TTLL6: variants seen among roughly 807,000 people sequenced by gnomAD.
The protein encoded by TTLL6 is tubulin tyrosine ligase like 6, also known as tubulin polyglutamylase TTLL6.
A neutral mutation model predicts 96.4 loss-of-function variants in TTLL6; 75 were observed. The ratio of observed to expected loss-of-function variants is 0.78; its 90% CI spans 0.65 to 0.94. The LOEUF is 0.94. TTLL6 is among the 40% of genes least tolerant of loss of function. TTLL6 has a pLI of 0.00. For synonymous variants in TTLL6, 411 were observed against 419.4 expected, an observed-to-expected ratio of 0.98 and a Z score of 0.24; for missense variants, 1,030 against 1,093.0, an observed-to-expected ratio of 0.94 and a Z score of 0.81.
chr17:48,767,512 A>G (rs889089051), intron 15 of TTLL6, among the ~76,000 whole-genome samples: 1 of 152,190 alleles, frequency 6.6e-6, no homozygotes, highest in Non-Finnish European at 1.5e-5. Context: ...CAGGAACCCA[A>G]GGTGATCTCT....
At chr17:48,814,318 CAAAAA>C (rs398030988) in intron 1 of TTLL6, among the ~76,000 whole-genome samples, 18 of 52,868 alleles carry the variant, frequency 3.4e-4, no homozygotes, top group Admixed American at 2.3e-3. Context: ...GACAGTGTCT[CAAAAA>C]AAAAAAAAAA....
At chr17:48,786,615 C>A (rs533737555) in intron 11 of TTLL6, among the ~76,000 whole-genome samples, 1 of 152,304 alleles carries the variant, frequency 6.6e-6, no homozygotes, top group South Asian at 2.1e-4. Flanking sequence ...TATTTGTTCC[C>A]CACTTCCCAG....
In TTLL6 at chr17:48,770,014, G is replaced by A. The variant is rs376141621; in HGVS notation, c.2124C>T (p.Thr708=). The A allele has an allele frequency of 2.0e-5, 33 of 1,614,008 alleles. No individual in the cohort carries two copies. The highest frequency in any genetic ancestry group is 1.5e-4 in the African/African-American group (11 of 74,896). ...CTGGGCCACTGTACTCAGAGCTGGCGGTCACAGCCAGGGTTGGCGGAGACT... is the reference window on the plus strand; with the variant it reads ...CTGGGCCACTGTACTCAGAGCTGGCAGTCACAGCCAGGGTTGGCGGAGACT... ...SPKSPPTLAV[T]ASSEYSGPET... The change falls in exon 14 of 16, where the codon ACC becomes ACT. Residue 708 remains threonine (T), a synonymous_variant. Transcript: ENST00000393382.
At chr17:48,782,094 C>A (rs995097777) in intron 13 of TTLL6, among the ~76,000 whole-genome samples, 2 of 146,138 alleles carry the variant, frequency 1.4e-5, no homozygotes, top group African/African-American at 2.5e-5. Context: ...AATATATATA[C>A]TTTTTCTTTT....
At chr17:48,804,124 G>T (rs2039468149) in intron 2 of TTLL6, 196 bp from the exon 3 acceptor site, 10 of 627,214 alleles carry the variant, frequency 1.6e-5, no homozygotes, top group Non-Finnish European at 2.9e-5. Flanking sequence ...TGGCATCAGG[G>T]TACTATTACT....
chr17:48,802,221 G>A (rs1196967600), intron 3 of TTLL6, among the ~76,000 whole-genome samples: 1 of 152,130 alleles, frequency 6.6e-6, no homozygotes, highest in East Asian at 1.9e-4. Context: ...CCCGTAGAAG[G>A]TTATCTGAGG....
intron 10 of TTLL6, among the ~76,000 whole-genome samples, chr17:48,788,588 ACACTGCCTCCTTCT>A (rs1263061310): frequency 6.6e-6 from 1 of 152,146 alleles, no homozygotes; most frequent in Non-Finnish European, 1.5e-5. Context: ...CCTCAACAGG[ACACTGCCTCCTTCT>A]CGAGGAGTTT....
At chr17:48,811,258 C>T (rs967043338) in intron 1 of TTLL6, among the ~76,000 whole-genome samples, 5 of 151,484 alleles carry the variant, frequency 3.3e-5, no homozygotes, top group Admixed American at 1.3e-4. Context: ...TAGTAGAGAA[C>T]GGAGTTTTAT....
chr17:48,768,596 G>A (rs2143169992), intron 15 of TTLL6, among the ~76,000 whole-genome samples: 2 of 147,640 alleles, frequency 1.4e-5, no homozygotes, highest in Middle Eastern at 4.2e-3. Context: ...TGTAGAGACA[G>A]GGTCTTGCTA....
At chr17:48,803,502 A>C (rs1567734510) in intron 3 of TTLL6, among the ~76,000 whole-genome samples, 1 of 152,104 alleles carries the variant, frequency 6.6e-6, no homozygotes, top group Non-Finnish European at 1.5e-5. Flanking sequence ...AAACAAAAAA[A>C]AAAAACAGCA....
intron 8 of TTLL6, among the ~76,000 whole-genome samples, chr17:48,792,410 A>C (rs1054967171): frequency 7.2e-5 from 11 of 152,200 alleles, no homozygotes; most frequent in African/African-American, 2.2e-4. Context: ...ATGTGCACAG[A>C]CAGCCAAAGT....
intron 14 of TTLL6, among the ~76,000 whole-genome samples, chr17:48,769,464 G>T (rs577458100): frequency 5.9e-5 from 9 of 152,224 alleles, no homozygotes; most frequent in Non-Finnish European, 1.3e-4. Context: ...AGCCTCAGCT[G>T]AATGAGCCTC....
intron 13 of TTLL6, among the ~76,000 whole-genome samples, chr17:48,781,703 A>G (rs995443923): frequency 2.6e-5 from 4 of 152,164 alleles, no homozygotes; most frequent in African/African-American, 9.7e-5. Flanking sequence ...TAAGCCTGCT[A>G]TGGTGTGAAT....
At chr17:48,788,440 C>T (rs537117367) in intron 10 of TTLL6, among the ~76,000 whole-genome samples, 1 of 152,344 alleles carries the variant, frequency 6.6e-6, no homozygotes, top group Non-Finnish European at 1.5e-5. Context: ...TCCTCACAGC[C>T]CCCTGGGGGA....
intron 13 of TTLL6, among the ~76,000 whole-genome samples, chr17:48,777,610 A>T (rs2038900086): frequency 6.6e-6 from 1 of 152,310 alleles, no homozygotes; most frequent in African/African-American, 2.4e-5. Context: ...AGGCACCTGT[A>T]ATCCCAGCTA....
Position 48,804,962 on chromosome 17 carries a change from G to C in TTLL6, c.133C>G (p.Gln45Glu). 6.4e-7 allele frequency: 1 copy of C among 1,551,682 alleles called. No individual in the cohort carries two copies. The highest frequency in any genetic ancestry group is 8.7e-7 in the Non-Finnish European group (1 of 1,146,970). Reference sequence around the variant, plus strand: ...GGGCACTGTGGCATCTCCCTGGCCTGGGAGGAGGCTCTGGGGAAATACCAG... The same window carrying C: ...GGGCACTGTGGCATCTCCCTGGCCTCGGAGGAGGCTCTGGGGAAATACCAG... Reference protein sequence around the residue: ...GAWYFPRASSQAREMPQCPTL... With the variant: ...GAWYFPRASSEAREMPQCPTL... The change falls in exon 2 of 16, where the codon CAG becomes GAG. Residue 45 changes from glutamine to glutamate, a missense_variant. Gln to Glu is a conservative substitution (Grantham distance 29). Transcript: ENST00000393382.
chr17:48,780,653 T>C (rs987667187), intron 13 of TTLL6, among the ~76,000 whole-genome samples: 4 of 152,128 alleles, frequency 2.6e-5, no homozygotes, highest in Admixed American at 2.0e-4. Context: ...GTCCCCCTTC[T>C]CTCCCTCCGC....
chr17:48,812,073 C>CCCT (rs1555569820), intron 1 of TTLL6: 1 of 99,512 alleles, frequency 1.0e-5, no homozygotes, highest in Non-Finnish European at 2.1e-5. Context: ...GACCCCCCCC[C>CCCT]CCACCCCCCG....
intron 13 of TTLL6, among the ~76,000 whole-genome samples, chr17:48,783,332 T>A (rs750143323): frequency 6.6e-6 from 1 of 152,172 alleles, no homozygotes; most frequent in Non-Finnish European, 1.5e-5. Flanking sequence ...CACAAAGAGA[T>A]CTGTGCTAGG....
Sources: gnomAD v4.1 joint callset for allele counts (sites outside exome capture counted in the v4.1 genomes callset) on GRCh38, gnomAD v4.1.1 for gene constraint, MANE v1.5 for transcripts, NCBI Gene and HGNC (gene_info 2026-07-23, HGNC 2026-07-21) for gene names.